The following MEMO1 variants were observed in gnomAD, a reference collection of about 807,000 sequenced individuals.
The protein encoded by MEMO1 is mediator of cell motility 1, also known as protein MEMO1.
In MEMO1, 6 loss-of-function variants were observed where a neutral mutation model predicts 45.2. That is an observed-to-expected ratio of 0.13 (90% CI 0.07 to 0.26). The LOEUF is 0.26. MEMO1 is among the 10% of genes least tolerant of loss of function. The pLI, the probability that MEMO1 is intolerant of heterozygous loss-of-function variation, is 1.00. For synonymous variants in MEMO1, 78 were observed against 124.3 expected (o/e 0.63, Z 2.48); for missense variants, 184 against 370.5 (o/e 0.50, Z 4.13).
At chr2:31,974,867 C>A (rs945253924) in intron 2 of MEMO1, among the ~76,000 whole-genome samples, 1 of 151,852 alleles carries the variant, frequency 6.6e-6, no homozygotes, top group South Asian at 2.1e-4. Context: ...AGAGGAATAC[C>A]ATGAAAATTT....
At chr2:31,945,523 C>T (rs1418671243) in intron 2 of MEMO1, among the ~76,000 whole-genome samples, 2 of 152,146 alleles carry the variant, frequency 1.3e-5, no homozygotes, top group South Asian at 2.1e-4. Context: ...CTGTACTCCC[C>T]GACCCCCTTT....
At chr2:32,006,144 A>C (rs757112588) in intron 2 of MEMO1, among the ~76,000 whole-genome samples, 1 of 152,240 alleles carries the variant, frequency 6.6e-6, no homozygotes, top group African/African-American at 2.4e-5. Flanking sequence ...GAAGATGGCA[A>C]GTTATGAGGG....
At chr2:31,988,526 A>G (rs1382603729) in intron 2 of MEMO1, among the ~76,000 whole-genome samples, 2 of 152,178 alleles carry the variant, frequency 1.3e-5, no homozygotes, top group Non-Finnish European at 2.9e-5. Flanking sequence ...AGCCTGGGCG[A>G]CAAAGCAAGA....
At position 32,003,480 on chromosome 2, in the gene MEMO1, G is replaced by A. The variant is rs1396107715; in HGVS notation, c.61+6707C>T. Among the ~76,000 whole-genome samples the A allele has an allele frequency of 3.3e-5, 5 of 152,194 alleles. No homozygotes were observed. In the South Asian group the frequency reaches 1.0e-3, roughly 32 times the overall value. ...TTGTTACATAGGGTATATGAAATCT[G>A]TGCATATCCACCAAGGTATATACTT... On this transcript the variant is annotated intron_variant, in intron 2 of 9. Transcript: ENST00000404530.
intron 2 of MEMO1, among the ~76,000 whole-genome samples, chr2:31,969,948 A>G (rs1045789679): frequency 1.3e-5 from 2 of 151,136 alleles, no homozygotes; most frequent in African/African-American, 2.4e-5. Flanking sequence ...TGTAATAAAT[A>G]TAACACAAGT....
intron 2 of MEMO1, among the ~76,000 whole-genome samples, chr2:32,002,171 AT>A (rs1673430301): frequency 3.3e-5 from 4 of 122,916 alleles, no homozygotes; most frequent in Admixed American, 8.2e-5. Flanking sequence ...AAAAAAAAAT[AT>A]ATATATATAT....
chr2:31,923,407 C>A, intron 4 of MEMO1: 1 of 336,768 alleles, frequency 3.0e-6, no homozygotes, highest in Non-Finnish European at 5.3e-6. Flanking sequence ...ACTGCTAATC[C>A]TCACTTCTTG....
At chr2:31,915,140 C>T (rs997592328) in intron 6 of MEMO1, among the ~76,000 whole-genome samples, 1 of 151,882 alleles carries the variant, frequency 6.6e-6, no homozygotes, top group African/African-American at 2.4e-5. Context: ...CCCCCAACAC[C>T]CACTTCTCCA....
At chr2:31,957,690 C>T (rs1334932507) in intron 2 of MEMO1, among the ~76,000 whole-genome samples, 1 of 152,162 alleles carries the variant, frequency 6.6e-6, no homozygotes, top group African/African-American at 2.4e-5. Context: ...CATGAAACAC[C>T]TTATTAATAT....
chr2:31,968,103 C>A (rs572650340), intron 2 of MEMO1, among the ~76,000 whole-genome samples: 1 of 152,168 alleles, frequency 6.6e-6, no homozygotes, highest in African/African-American at 2.4e-5. Context: ...GGTCAAGAGC[C>A]AAATAGAATA....
rs1572880688 is a variant in MEMO1 at position 31,980,430 on chromosome 2, G to C, written c.61+29757C>G. The stretch of plus-strand genomic sequence containing the variant: ...CAACTAGGTGACAGAATGAGACCCT[G>C]TCTATAAAAATAAATATATAATTTT... On this transcript the variant is annotated intron_variant, in intron 2 of 9. Coordinates refer to ENST00000404530, the MANE Select transcript of MEMO1 (RefSeq NM_001301833.4). Among the ~76,000 whole-genome samples the C allele has an allele frequency of 2.0e-5, 3 of 152,208 alleles. 1 individual carries two copies. Among genetic ancestry groups the C allele is most frequent in the Admixed American group, 2.0e-4 (3 of 15,298 alleles).
chr2:31,932,005 T>C (rs977598540), intron 4 of MEMO1, 62 bp downstream of exon 4: 9 of 1,438,186 alleles, frequency 6.3e-6, no homozygotes, highest in African/African-American at 5.7e-5. Context: ...AGCAAATTAC[T>C]TCTATAACAA....
intron 2 of MEMO1, among the ~76,000 whole-genome samples, chr2:31,983,092 A>AG (rs1670851167): frequency 6.6e-6 from 1 of 151,812 alleles, no homozygotes; most frequent in South Asian, 2.1e-4. Flanking sequence ...AGAAAAAAAA[A>AG]AAATACAAAC....
At chr2:31,962,301 A>T (rs879808919) in intron 2 of MEMO1, among the ~76,000 whole-genome samples, 3 of 152,154 alleles carry the variant, frequency 2.0e-5, no homozygotes, top group Non-Finnish European at 4.4e-5. Context: ...AGGTAGGAGA[A>T]TCACCTGAGC....
At chr2:31,945,770 C>T (rs1285002075) in intron 2 of MEMO1, among the ~76,000 whole-genome samples, 4 of 152,146 alleles carry the variant, frequency 2.6e-5, no homozygotes, top group Non-Finnish European at 5.9e-5. Flanking sequence ...AAAATTACAT[C>T]CTGTCATAAA....
chr2:31,895,301 G>A (rs1235227310), intron 6 of MEMO1, among the ~76,000 whole-genome samples: 1 of 152,170 alleles, frequency 6.6e-6, no homozygotes, highest in East Asian at 1.9e-4. Context: ...ATCTGAGTAA[G>A]AGCAGATATT....
intron 1 of MEMO1, chr2:32,010,518 C>G (rs1674761239): frequency 3.3e-6 from 1 of 306,850 alleles, no homozygotes; most frequent in Admixed American, 5.3e-5. Context: ...GGCGGCCTCA[C>G]CGAAGCCCGG....
chr2:31,949,546 A>C (rs1446014708), intron 2 of MEMO1, among the ~76,000 whole-genome samples: 1 of 151,972 alleles, frequency 6.6e-6, no homozygotes, highest in African/African-American at 2.4e-5. Flanking sequence ...ATCTAAAAAA[A>C]AACAATGGAA....
chr2:31,919,949 CGTGTGTGTGTGTGT>C (rs61002743), intron 5 of MEMO1, among the ~76,000 whole-genome samples: 1 of 145,208 alleles, frequency 6.9e-6, no homozygotes, highest in African/African-American at 2.5e-5. Flanking sequence ...CACACATACA[CGTGTGTGTGTGTGT>C]GTGTGTGTGT....
Sources: gnomAD v4.1 joint callset for allele counts (sites outside exome capture counted in the v4.1 genomes callset) on GRCh38, gnomAD v4.1.1 for gene constraint, MANE v1.5 for transcripts, NCBI Gene and HGNC (gene_info 2026-07-23, HGNC 2026-07-21) for gene names.